The following PDE1C variants were observed in gnomAD, a reference collection of about 807,000 sequenced individuals.
PDE1C encodes the protein phosphodiesterase 1C.
A neutral mutation model predicts 93.1 loss-of-function variants in PDE1C; 62 were observed. That is an observed-to-expected ratio of 0.67 (90% CI 0.54 to 0.82). The LOEUF is 0.82. Among genes scored for constraint, PDE1C ranks in the 40% least tolerant of loss-of-function variants. The probability of loss-of-function intolerance (pLI) is 0.00; values close to 1 mark genes in which losing one functional copy is unlikely to be tolerated. For missense variants in PDE1C, 742 were observed against 884.6 expected, an observed-to-expected ratio of 0.84 and a Z score of 2.04; for synonymous variants, 325 against 310.1, an observed-to-expected ratio of 1.05 and a Z score of -0.50.
At chr7:32,040,919 T>C (rs30574) in intron 2 of PDE1C, among the ~76,000 whole-genome samples, 114,614 of 152,028 alleles carry the variant, frequency 0.75, 43,463 homozygotes, top group Middle Eastern at 0.88. Flanking sequence ...GCTGATTCCA[T>C]GCTTTAGTAA....
At chr7:32,299,325 A>T (rs1396304173) in exon 1 of PDE1C, 12 of 985,668 alleles carry the variant, frequency 1.2e-5, no homozygotes, top group Non-Finnish European at 1.4e-5. Flanking sequence ...CCAAACAAGG[A>T]AGTCGGGAAA....
At chr7:32,370,766 C>T (rs974313067) in intron 1 of PDE1C, among the ~76,000 whole-genome samples, 4 of 145,838 alleles carry the variant, frequency 2.7e-5, no homozygotes, top group Non-Finnish European at 6.0e-5. Flanking sequence ...TGCACATGTA[C>T]CCTAGAACTT....
At chr7:32,300,994 C>A (rs1181802965), upstream of PDE1C, among the ~76,000 whole-genome samples, 2 of 151,024 alleles carry the variant, frequency 1.3e-5, no homozygotes, top group African/African-American at 2.4e-5. Flanking sequence ...CACGCCACCA[C>A]ACCTGGCTGC....
intron 3 of PDE1C, among the ~76,000 whole-genome samples, chr7:32,078,309 C>G (rs894408214): frequency 1.3e-5 from 2 of 152,204 alleles, no homozygotes; most frequent in African/African-American, 4.8e-5. Flanking sequence ...CCTGAACTCC[C>G]AGCCCAGTGC....
the PDE1C span, among the ~76,000 whole-genome samples, chr7:31,726,831 G>A: frequency 2.6e-5 from 4 of 152,054 alleles, no homozygotes; most frequent in South Asian, 2.1e-4. Context: ...TCAGGAGTTC[G>A]AGACCAAACA....
the PDE1C span, among the ~76,000 whole-genome samples, chr7:31,697,696 T>G: frequency 6.6e-6 from 1 of 152,182 alleles, no homozygotes; most frequent in Non-Finnish European, 1.5e-5. Context: ...AGTATGACTC[T>G]GTGTGTATGT....
At chr7:31,925,258 A>C (rs998273371) in intron 2 of PDE1C, among the ~76,000 whole-genome samples, 1 of 152,196 alleles carries the variant, frequency 6.6e-6, no homozygotes, top group Admixed American at 6.5e-5. Context: ...ATTTATTATT[A>C]GTTCCTTTCC....
chr7:31,707,254 G>A, the PDE1C span: 168 of 1,613,944 alleles, frequency 1.0e-4, no homozygotes, highest in African/African-American at 1.6e-3. Flanking sequence ...GGAAGATGAC[G>A]AAAAGGATGG....
At chr7:31,773,318 C>T (rs1326633133) in intron 17 of PDE1C, among the ~76,000 whole-genome samples, 4 of 152,086 alleles carry the variant, frequency 2.6e-5, no homozygotes, top group Non-Finnish European at 5.9e-5. Flanking sequence ...GACAAGGTAG[C>T]TGTGATTCTG....
At chr7:32,231,711 G>A (rs1470032220) in intron 1 of PDE1C, among the ~76,000 whole-genome samples, 1 of 152,118 alleles carries the variant, frequency 6.6e-6, no homozygotes, top group Non-Finnish European at 1.5e-5. Flanking sequence ...TCTGAGTACA[G>A]TTGAAATAAT....
At chr7:32,160,148 C>T (rs2128797287) in intron 3 of PDE1C, among the ~76,000 whole-genome samples, 1 of 152,144 alleles carries the variant, frequency 6.6e-6, no homozygotes, top group African/African-American at 2.4e-5. Flanking sequence ...GCCAGCAGAG[C>T]CACACAAACC....
intron 2 of PDE1C, among the ~76,000 whole-genome samples, chr7:32,048,867 T>A (rs1792965425): frequency 6.6e-6 from 1 of 152,168 alleles, no homozygotes; most frequent in Non-Finnish European, 1.5e-5. Context: ...TTGTTCAACA[T>A]AATTGGTTTA....
At chr7:32,001,223 C>G (rs1785415791) in intron 2 of PDE1C, among the ~76,000 whole-genome samples, 1 of 152,072 alleles carries the variant, frequency 6.6e-6, no homozygotes, top group African/African-American at 2.4e-5. Context: ...GAAAAAATAC[C>G]AACTTTTCAC....
chr7:31,961,479 G>C (rs760055994), intron 2 of PDE1C, among the ~76,000 whole-genome samples: 1 of 152,030 alleles, frequency 6.6e-6, no homozygotes, highest in Non-Finnish European at 1.5e-5. Flanking sequence ...CAGAGTGTGT[G>C]AGATACACTC....
In PDE1C at chr7:31,918,843, C is replaced by T. The variant is rs76244712; in HGVS notation, c.129-37983G>A. On this transcript the variant is annotated intron_variant, in intron 2 of 17. Transcript: ENST00000396191. ...TTAATCTGCCCTGCGTAGCCAGAAG[C>T]CTCTACTATACTATGTGATACCACT... Among the ~76,000 whole-genome samples, 457 of 152,228 alleles carry T rather than the reference C, an allele frequency of 3.0e-3. 3 individuals carry two copies. The highest frequency in any genetic ancestry group is 0.011 in the African/African-American group (438 of 41,536).
intron 2 of PDE1C, chr7:32,209,373 C>G: frequency 1.2e-6 from 1 of 850,600 alleles, no homozygotes; most frequent in Non-Finnish European, 1.8e-6. Flanking sequence ...ATATTTCCTG[C>G]ATTACTATTT....
intron 1 of PDE1C, among the ~76,000 whole-genome samples, chr7:32,375,519 T>C: frequency 6.6e-6 from 1 of 152,336 alleles, no homozygotes; most frequent in African/African-American, 2.4e-5. Context: ...GGTGGTGGTA[T>C]ATCAACAACA....
At chr7:31,901,224 C>T (rs1799941645) in intron 2 of PDE1C, among the ~76,000 whole-genome samples, 1 of 150,422 alleles carries the variant, frequency 6.6e-6, no homozygotes, top group Admixed American at 6.6e-5. Context: ...ACAAAAATTT[C>T]ATTACTTTTA....
At chr7:31,687,487 G>A in the PDE1C span, among the ~76,000 whole-genome samples, 1 of 152,224 alleles carries the variant, frequency 6.6e-6, no homozygotes, top group Admixed American at 6.5e-5. Context: ...TCTTCCAAGG[G>A]AGGGAATGGA....
Sources: allele counts gnomAD v4.1 joint callset (sites outside exome capture counted in the v4.1 genomes callset), GRCh38; gene constraint gnomAD v4.1.1; transcripts MANE v1.5; gene names NCBI Gene and HGNC (gene_info 2026-07-23, HGNC 2026-07-21).